Variants in ABLIM1 observed in about 807,000 individuals in gnomAD.
ABLIM1 encodes the protein actin binding LIM protein 1.
In ABLIM1, 40 loss-of-function variants were observed where a neutral mutation model predicts 107.0. The ratio of observed to expected loss-of-function variants is 0.37; its 90% CI spans 0.29 to 0.49. The LOEUF is 0.49. ABLIM1 is among the 20% of genes least tolerant of loss of function. The pLI is 0.97. For synonymous variants in ABLIM1, 357 were observed against 357.3 expected (o/e 1.00, Z 0.01); for missense variants, 857 against 1,008.5 (o/e 0.85, Z 2.04).
chr10:114,441,814 T>C lies in ABLIM1; in HGVS notation c.1934-28A>G, dbSNP rs566021394. 5.0e-6 allele frequency: 8 copies of C among 1,593,118 alleles called. No individual in the cohort carries two copies. In the African/African-American group the frequency reaches 1.1e-4, roughly 21 times the overall value. On this transcript the variant is annotated intron_variant, in intron 17 of 22. Transcript: ENST00000533213. ...GAGTAAGAAAAAAGTAAAAAACCAA[T>C]TGTTAGGAAATCAGAAGGTCCAATC...
intron 1 of ABLIM1, among the ~76,000 whole-genome samples, chr10:114,725,473 G>A (rs80307094): frequency 0.046 from 7,003 of 152,228 alleles, 235 homozygotes; most frequent in African/African-American, 0.085. Flanking sequence ...CCCCAAGGGA[G>A]ATTATCAAAT....
chr10:114,611,765 G>A (rs2076824945), intron 1 of ABLIM1, among the ~76,000 whole-genome samples: 1 of 152,190 alleles, frequency 6.6e-6, no homozygotes, highest in Non-Finnish European at 1.5e-5. Context: ...AGCTCAGAAA[G>A]GGATTTTAAA....
chr10:114,462,937 G>A (rs913528913), intron 12 of ABLIM1: 4 of 1,200,756 alleles, frequency 3.3e-6, no homozygotes, highest in Non-Finnish European at 4.5e-6. Flanking sequence ...CATGCTGAGA[G>A]CTCAAAAGCT....
In ABLIM1 at chr10:114,453,399, G is replaced by C. The variant is rs771501290; in HGVS notation, c.1526C>G (p.Pro509Arg). The C allele has an allele frequency of 3.1e-6, 5 of 1,614,120 alleles. No homozygotes were observed. The South Asian group carries it at 5.5e-5, about 18-fold the overall frequency. Reference sequence around the variant, plus strand: ...CCTACCTGGAACATGGAAATGTTTAGGGGCCTGAGCGTAAGTTGGAGTTAG... The same window carrying C: ...CCTACCTGGAACATGGAAATGTTTACGGGCCTGAGCGTAAGTTGGAGTTAG... Reference protein sequence around the residue: ...RPLTPTYAQAPKHFHVPDQGI... With the variant: ...RPLTPTYAQARKHFHVPDQGI... The change falls in exon 13 of 23, where the codon CCT (proline) becomes CGT (arginine). Residue 509 changes from proline (P) to arginine (R), a missense_variant. Physicochemically the swap from Pro to Arg is moderately radical, Grantham distance 103. Around this residue, in one of 5 missense-constraint regions of ABLIM1, gnomAD observed 381 missense variants for 506.9 expected, o/e 0.75. Transcript: ENST00000533213.
chr10:114,697,506 T>C (rs920074331), intron 1 of ABLIM1, among the ~76,000 whole-genome samples: 12 of 152,216 alleles, frequency 7.9e-5, no homozygotes, highest in Non-Finnish European at 1.6e-4. Flanking sequence ...GCACCGTAAA[T>C]GCCAGCGAGT....
chr10:114,545,953 A>T (rs1367026294), intron 5 of ABLIM1, among the ~76,000 whole-genome samples: 2 of 150,556 alleles, frequency 1.3e-5, no homozygotes, highest in Non-Finnish European at 3.0e-5. Context: ...CAAAAAAAAA[A>T]AACAAGAACA....
At chr10:114,664,015 C>T (rs992802230) in intron 1 of ABLIM1, among the ~76,000 whole-genome samples, 8 of 152,204 alleles carry the variant, frequency 5.3e-5, no homozygotes, top group Non-Finnish European at 1.0e-4. Context: ...TCTGGCAAAC[C>T]TCATGTTCAC....
intron 8 of ABLIM1, among the ~76,000 whole-genome samples, chr10:114,475,582 T>C (rs1005552447): frequency 2.0e-5 from 3 of 152,344 alleles, no homozygotes; most frequent in African/African-American, 7.2e-5. Context: ...TTATTACTTG[T>C]AAACAAATAC....
At chr10:114,589,128 G>C (rs2074529879) in intron 2 of ABLIM1, among the ~76,000 whole-genome samples, 1 of 151,108 alleles carries the variant, frequency 6.6e-6, no homozygotes, top group Admixed American at 6.6e-5. Context: ...TTTAAAGATA[G>C]AGAAAAGCTT....
rs1044563556 is a variant in ABLIM1, at chr10:114,707,262, T to C, written c.-213+60799A>G. 1.3e-5 allele frequency among the ~76,000 whole-genome samples: 2 copies of C among 152,162 alleles called. No homozygotes were observed. Among genetic ancestry groups the C allele is most frequent in the Non-Finnish European group, 2.9e-5 (2 of 68,022 alleles). On this transcript the variant is annotated intron_variant, in intron 1 of 15. Coordinates refer to the ABLIM1 transcript ENST00000651092. This position sits in a 1 kb window ranked among gnomAD's most constrained non-coding sequence, Gnocchi z 4.1. Reference sequence around the variant, plus strand: ...TGCTGTTGTTGCTGTTGATGGAGTCTCGCACTGTCACCCAAGATGGAGTGC... The same window carrying C: ...TGCTGTTGTTGCTGTTGATGGAGTCCCGCACTGTCACCCAAGATGGAGTGC...
intron 15 of ABLIM1, among the ~76,000 whole-genome samples, chr10:114,447,626 C>T (rs1182217666): frequency 6.6e-6 from 1 of 152,182 alleles, no homozygotes; most frequent in African/African-American, 2.4e-5. Context: ...CCATGCAAAC[C>T]ATTGGTTTTA....
chr10:114,727,847 C>T (rs554885497), intron 1 of ABLIM1, among the ~76,000 whole-genome samples: 14 of 152,070 alleles, frequency 9.2e-5, no homozygotes, highest in African/African-American at 2.9e-4. Context: ...CCTAGCTACC[C>T]GGGAAGTCAA....
chr10:114,580,199 T>A lies in ABLIM1; in HGVS notation c.380-4600A>T, dbSNP rs2073183881. 2.1e-5 allele frequency among the ~76,000 whole-genome samples: 3 copies of A among 146,304 alleles called. No homozygotes were observed. In the South Asian group the frequency reaches 6.4e-4, roughly 31 times the overall value. On this transcript the variant is annotated intron_variant, in intron 2 of 22. Transcript: ENST00000533213. ...ACTCCTTTATTTTAATATTATATAT[T>A]ATATATTATATATATATATATTTTT...
chr10:114,621,550 C>A (rs1357526126), intron 1 of ABLIM1, among the ~76,000 whole-genome samples: 3 of 152,176 alleles, frequency 2.0e-5, no homozygotes, highest in Non-Finnish European at 4.4e-5. Flanking sequence ...CATTAAGAAA[C>A]CTACAGAACT....
intron 1 of ABLIM1, among the ~76,000 whole-genome samples, chr10:114,761,106 A>G (rs983630078): frequency 1.3e-5 from 2 of 152,130 alleles, no homozygotes; most frequent in Non-Finnish European, 2.9e-5. Context: ...CAACATCACC[A>G]TGAAAGAAAC....
Position 114,441,322 on chromosome 10 carries a change from T to C in ABLIM1, c.1999-245A>G, listed in dbSNP as rs77015492. Among the ~76,000 whole-genome samples the C allele has an allele frequency of 7.9e-3, 1,206 of 152,316 alleles. 16 individuals carry two copies. Among genetic ancestry groups the C allele is most frequent in the African/African-American group, 0.028 (1,157 of 41,578 alleles). On this transcript the variant is annotated intron_variant, in intron 18 of 22. Transcript: ENST00000533213. ...TCTCTTGCTGATAAATAAAAATGCA[T>C]TGTCCTACATAGTTACATAATTGTA... is the stretch of plus-strand genomic sequence containing the variant.
intron 1 of ABLIM1, among the ~76,000 whole-genome samples, chr10:114,674,055 C>T (rs577371547): frequency 2.0e-5 from 3 of 152,004 alleles, no homozygotes; most frequent in South Asian, 4.2e-4. Context: ...TTTGGGAGGC[C>T]GAGGCAGGCA....
Position 114,436,488 on chromosome 10 carries a change from C to T in ABLIM1, c.2224-115G>A, listed in dbSNP as rs981421949. 8.4e-5 allele frequency: 63 copies of T among 746,130 alleles called. No individual in the cohort carries two copies. In the Admixed American group the frequency reaches 8.7e-4, roughly 10 times the overall value. 46.2% of individuals were successfully genotyped at this position (746,130 alleles called of 1,614,324 possible). On this transcript the variant is annotated intron_variant, in intron 22 of 22. Coordinates refer to ENST00000533213, the MANE Select transcript of ABLIM1 (RefSeq NM_002313.7). ...CATTCTGAAGAACAAGGCAGGAGGA[C>T]GGGAGAGGAGCCCATCTTTAATGCT...
intron 1 of ABLIM1, among the ~76,000 whole-genome samples, chr10:114,705,945 A>G (rs2081412407): frequency 6.6e-6 from 1 of 152,208 alleles, no homozygotes; most frequent in Non-Finnish European, 1.5e-5. Context: ...ACAAATAGGC[A>G]ACAGATCAGG....
Sources: gnomAD v4.1 joint callset for allele counts (sites outside exome capture counted in the v4.1 genomes callset) on GRCh38, gnomAD v4.1.1 for gene constraint, gnomAD v4.1.1 regional missense constraint, Gnocchi (gnomAD v3.1) non-coding constraint, MANE v1.5 for transcripts, NCBI Gene and HGNC (gene_info 2026-07-23, HGNC 2026-07-21) for gene names.